Variants in KHDRBS2 observed in about 807,000 individuals in gnomAD.
The protein encoded by KHDRBS2 is KH RNA binding domain containing, signal transduction associated 2.
KHDRBS2 carries 26 observed loss-of-function variants against 44.3 expected under a neutral mutation model. That is an observed-to-expected ratio of 0.59 (90% CI 0.43 to 0.81). The LOEUF is 0.81. Ranked by LOEUF, KHDRBS2 falls within the 40% of genes least tolerant of loss-of-function variation. KHDRBS2 has a pLI of 0.00. For synonymous variants in KHDRBS2, 194 were observed against 151.1 expected (o/e 1.28, Z -2.08); for missense variants, 476 against 433.1 (o/e 1.10, Z -0.88).
At chr6:61,601,002 A>T in the KHDRBS2 span, among the ~76,000 whole-genome samples, 1 of 152,168 alleles carries the variant, frequency 6.6e-6, no homozygotes, top group Non-Finnish European at 1.5e-5. Context: ...TAATCACTGC[A>T]GGGACGTCTG....
At chr6:62,069,229 C>G (rs1483498442) in intron 2 of KHDRBS2, among the ~76,000 whole-genome samples, 1 of 151,456 alleles carries the variant, frequency 6.6e-6, no homozygotes, top group Non-Finnish European at 1.5e-5. Context: ...TTAACTCATA[C>G]TTTGTATATC....
At chr6:61,979,537 G>C (rs1583928720) in intron 3 of KHDRBS2, among the ~76,000 whole-genome samples, 1 of 152,048 alleles carries the variant, frequency 6.6e-6, no homozygotes. Flanking sequence ...AAAAGATGAA[G>C]GATCCATGAA....
chr6:61,800,562 G>C (rs917081917), intron 6 of KHDRBS2, among the ~76,000 whole-genome samples: 2 of 152,022 alleles, frequency 1.3e-5, no homozygotes, highest in Non-Finnish European at 2.9e-5. Context: ...CTAATGGGGG[G>C]AAATCTTAAC....
At chr6:62,152,462 T>G (rs1415334761) in intron 2 of KHDRBS2, among the ~76,000 whole-genome samples, 1 of 152,196 alleles carries the variant, frequency 6.6e-6, no homozygotes, top group Non-Finnish European at 1.5e-5. Context: ...TTAAGACAAA[T>G]GGGATTGATA....
intron 4 of KHDRBS2, among the ~76,000 whole-genome samples, chr6:61,958,776 T>C (rs937788613): frequency 3.3e-5 from 5 of 152,180 alleles, no homozygotes; most frequent in Non-Finnish European, 7.3e-5. Context: ...CTTCTGTCTT[T>C]ATTCTCTGCT....
intron 6 of KHDRBS2, among the ~76,000 whole-genome samples, chr6:61,848,552 CA>C (rs1794921958): frequency 1.1e-4 from 4 of 37,242 alleles, no homozygotes; most frequent in African/African-American, 3.3e-4. Flanking sequence ...TATATATATA[CA>C]TATATATATG....
chr6:61,731,340 C>T (rs376265278), intron 7 of KHDRBS2, among the ~76,000 whole-genome samples: 2 of 151,978 alleles, frequency 1.3e-5, no homozygotes, highest in East Asian at 3.9e-4. Flanking sequence ...CTCATGATGG[C>T]TTCTCTATTT....
intron 1 of KHDRBS2, among the ~76,000 whole-genome samples, chr6:62,194,119 T>A (rs1324081020): frequency 6.6e-6 from 1 of 152,132 alleles, no homozygotes; most frequent in Non-Finnish European, 1.5e-5. Context: ...CATTTAACTT[T>A]CGTGTCATAT....
At chr6:61,703,151 ATT>A (rs899957665) in intron 7 of KHDRBS2, among the ~76,000 whole-genome samples, 26 of 151,896 alleles carry the variant, frequency 1.7e-4, no homozygotes, top group Non-Finnish European at 7.4e-5. Flanking sequence ...TATAAAATCC[ATT>A]TGTCTACATT....
the KHDRBS2 span, among the ~76,000 whole-genome samples, chr6:61,611,470 G>A: frequency 6.6e-6 from 1 of 152,280 alleles, no homozygotes; most frequent in Non-Finnish European, 1.5e-5. Context: ...TATGCCTGGA[G>A]AATATCTACA....
the KHDRBS2 span, chr6:61,574,543 A>G: frequency 1.8e-6 from 1 of 544,894 alleles, no homozygotes; most frequent in Non-Finnish European, 3.2e-6. Context: ...ACCTCCGAGC[A>G]ACATATGCTG....
chr6:62,130,997 A>G (rs1021415541), intron 2 of KHDRBS2, among the ~76,000 whole-genome samples: 5 of 152,098 alleles, frequency 3.3e-5, no homozygotes, highest in African/African-American at 9.7e-5. Context: ...TGATTACATA[A>G]TTATTATAAT....
intron 8 of KHDRBS2, among the ~76,000 whole-genome samples, chr6:61,692,410 T>C (rs1489719774): frequency 6.6e-6 from 1 of 151,776 alleles, no homozygotes; most frequent in African/African-American, 2.4e-5. Context: ...AATTATATGT[T>C]AATAAGTCAT....
chr6:61,776,385 C>T (rs1170613334), intron 6 of KHDRBS2, among the ~76,000 whole-genome samples: 2 of 151,854 alleles, frequency 1.3e-5, no homozygotes, highest in East Asian at 1.9e-4. Flanking sequence ...TTTTCACAAC[C>T]TACTCATCTG....
At chr6:62,042,079 G>A (rs1257852711) in intron 3 of KHDRBS2, among the ~76,000 whole-genome samples, 2 of 151,862 alleles carry the variant, frequency 1.3e-5, no homozygotes, top group Non-Finnish European at 1.5e-5. Flanking sequence ...TTGGTTAAAC[G>A]TTGCAACATA....
rs200395967 is a variant in KHDRBS2, at chr6:61,680,639, CA to C, written c.*323del. 0.24 allele frequency: 31,399 copies of C among 131,068 alleles called. 3,313 individuals carry two copies. The highest frequency in any genetic ancestry group is 0.36 in the African/African-American group (12,491 of 34,820). The allele number at this position is 131,068 out of a possible 1,614,324, so 8.1% of individuals were successfully genotyped here. On this transcript the variant is annotated 3_prime_UTR_variant, in exon 9 of 9. Transcript: ENST00000281156. ...CTGTTAACAAATTCATGCTTTTCCT[CA>C]AAAAAAAAAAAAAGAAAAAGAAAAA... is the stretch of plus-strand genomic sequence containing the variant.
At chr6:61,599,848 G>A in the KHDRBS2 span, among the ~76,000 whole-genome samples, 1 of 152,166 alleles carries the variant, frequency 6.6e-6, no homozygotes, top group Admixed American at 6.5e-5. Context: ...CCCCCAAATG[G>A]CAGAGACCAG....
At chr6:61,659,241 A>G in the KHDRBS2 span, 1 of 151,900 alleles carries the variant, frequency 6.6e-6, no homozygotes, top group Non-Finnish European at 1.5e-5. Context: ...AATAGTTAAT[A>G]TAAACATGAG....
chr6:61,866,005 T>C (rs1002860302), intron 6 of KHDRBS2, among the ~76,000 whole-genome samples: 1 of 152,196 alleles, frequency 6.6e-6, no homozygotes, highest in African/African-American at 2.4e-5. Flanking sequence ...GTTGTGTGTC[T>C]CCAGCTTCCA....
Sources: allele counts gnomAD v4.1 joint callset (sites outside exome capture counted in the v4.1 genomes callset), GRCh38; gene constraint gnomAD v4.1.1; transcripts MANE v1.5; gene names NCBI Gene and HGNC (gene_info 2026-07-23, HGNC 2026-07-21).